Variants in SLC44A1 observed in about 807,000 individuals in gnomAD.
SLC44A1 encodes the protein solute carrier family 44 member 1, also known as choline transporter-like protein 1.
SLC44A1 carries 26 observed loss-of-function variants against 79.3 expected under a neutral mutation model. The ratio of observed to expected loss-of-function variants is 0.33; its 90% CI spans 0.24 to 0.46. The LOEUF (loss-of-function observed/expected upper bound fraction) is 0.46. Ranked by LOEUF, SLC44A1 falls within the 20% of genes least tolerant of loss-of-function variation. The probability of loss-of-function intolerance (pLI) is 1.00; values close to 1 mark genes in which losing one functional copy is unlikely to be tolerated. For synonymous variants in SLC44A1, 263 were observed against 286.2 expected (o/e 0.92, Z 0.82); for missense variants, 688 against 798.1 (o/e 0.86, Z 1.66).
chr9:105,272,491 A>G (rs1351645701), intron 1 of SLC44A1, among the ~76,000 whole-genome samples: 2 of 152,076 alleles, frequency 1.3e-5, no homozygotes, highest in Non-Finnish European at 2.9e-5. Flanking sequence ...GTGTCCCTCA[A>G]TGCAGAAAAT....
rs983932722 is a variant in SLC44A1 at position 105,395,243 on chromosome 9, G to C, written c.*6187G>C. 7 of 935,834 alleles carry C rather than the reference G, an allele frequency of 7.5e-6. No individual in the cohort carries two copies. Among genetic ancestry groups the C allele is most frequent in the East Asian group, 2.3e-4 (2 of 8,572 alleles). The allele number at this position is 935,834 out of a possible 1,614,324, so 58.0% of individuals were successfully genotyped here. On this transcript the variant is annotated 3_prime_UTR_variant, in exon 16 of 16. Coordinates refer to ENST00000374720, the MANE Select transcript of SLC44A1 (RefSeq NM_080546.5). Reference sequence around the variant, plus strand: ...TTTGTTTTTGGTGTTTTTTTGAGACGGAGTCTCGCTCTATCGCCAGCTTAG... The same window carrying C: ...TTTGTTTTTGGTGTTTTTTTGAGACCGAGTCTCGCTCTATCGCCAGCTTAG...
intron 15 of SLC44A1, among the ~76,000 whole-genome samples, chr9:105,415,941 G>A (rs561178976): frequency 5.4e-5 from 7 of 129,514 alleles, no homozygotes; most frequent in East Asian, 2.2e-4. Flanking sequence ...TTGCTCTGTC[G>A]CCCAGGTTGA....
chr9:105,351,644 A>AAGAAAGAAAG (rs1206878103), intron 5 of SLC44A1, among the ~76,000 whole-genome samples: 2 of 141,492 alleles, frequency 1.4e-5, no homozygotes, highest in East Asian at 3.9e-4. Flanking sequence ...GAAAGAAAGA[A>AAGAAAGAAAG]AGAAAGAAAG....
chr9:105,244,773 C>A lies in SLC44A1; in HGVS notation c.-96C>A. ...CGCCGCCTAGCCGTGCGGTGCCAGGCCGCGCCCTCCCCGGGCGCCCGCCGG... is the reference window on the plus strand; with the variant it reads ...CGCCGCCTAGCCGTGCGGTGCCAGGACGCGCCCTCCCCGGGCGCCCGCCGG... On this transcript the variant is annotated 5_prime_UTR_variant, in exon 1 of 16. Coordinates refer to ENST00000374720, the MANE Select transcript of SLC44A1 (RefSeq NM_080546.5). The A allele has an allele frequency of 1.5e-6, 1 of 679,766 alleles. No homozygotes were observed. The highest frequency in any genetic ancestry group is 5.0e-5 in the East Asian group (1 of 20,150). The allele number at this position is 679,766 out of a possible 1,614,324, so 42.1% of individuals were successfully genotyped here. A position where few individuals can be genotyped will look rare whatever the true frequency, so the allele number is the denominator to read the frequency against.
chr9:105,262,777 G>A (rs1829871622), intron 1 of SLC44A1, among the ~76,000 whole-genome samples: 1 of 152,172 alleles, frequency 6.6e-6, no homozygotes, highest in Admixed American at 6.6e-5. Flanking sequence ...TATTCAATTT[G>A]TTTCCTACCA....
intron 1 of SLC44A1, among the ~76,000 whole-genome samples, chr9:105,264,117 T>G (rs1829905225): frequency 6.6e-6 from 1 of 152,174 alleles, no homozygotes; most frequent in Non-Finnish European, 1.5e-5. Context: ...CCCTTATCCT[T>G]CTGCTGCAGA....
intron 12 of SLC44A1, among the ~76,000 whole-genome samples, chr9:105,373,816 T>C (rs1484953092): frequency 6.6e-6 from 1 of 152,210 alleles, no homozygotes; most frequent in African/African-American, 2.4e-5. Context: ...AGAGAACCTA[T>C]GGAAGAGAAA....
chr9:105,415,626 C>A (rs1183249297), intron 15 of SLC44A1, among the ~76,000 whole-genome samples: 1 of 152,144 alleles, frequency 6.6e-6, no homozygotes. Flanking sequence ...CCTGAAACTA[C>A]ACAGGTGTTT....
At chr9:105,326,652 G>C (rs143406817) in intron 3 of SLC44A1, among the ~76,000 whole-genome samples, 2 of 152,278 alleles carry the variant, frequency 1.3e-5, no homozygotes, top group East Asian at 3.9e-4. Context: ...TATAAAATCT[G>C]TCTTCAGAAA....
intron 15 of SLC44A1, among the ~76,000 whole-genome samples, chr9:105,421,138 A>G (rs1244286671): frequency 1.3e-5 from 2 of 152,318 alleles, no homozygotes; most frequent in East Asian, 3.9e-4. Flanking sequence ...TCCTTATAAA[A>G]CAATACCTGG....
At chr9:105,416,918 T>TA in intron 15 of SLC44A1, among the ~76,000 whole-genome samples, 2 of 152,362 alleles carry the variant, frequency 1.3e-5, no homozygotes, top group East Asian at 1.9e-4. Flanking sequence ...TTATATCTAT[T>TA]AATTGAGAAT....
intron 1 of SLC44A1, among the ~76,000 whole-genome samples, chr9:105,254,494 A>C (rs1361063335): frequency 6.6e-6 from 1 of 152,210 alleles, no homozygotes; most frequent in Non-Finnish European, 1.5e-5. Context: ...GCAGGGATGC[A>C]GGATTGGGCG....
In SLC44A1 at chr9:105,312,956, G is replaced by A. The variant is rs530764362; in HGVS notation, c.269+3090G>A. On this transcript the variant is annotated intron_variant, in intron 3 of 15. Coordinates refer to ENST00000374720, the MANE Select transcript of SLC44A1 (RefSeq NM_080546.5). Reference sequence around the variant, plus strand: ...CTTTCCTTTGGTGGTGTTGTCTATAGCATCAAAGAAGAGCCCACTCAGCCC... The same window carrying A: ...CTTTCCTTTGGTGGTGTTGTCTATAACATCAAAGAAGAGCCCACTCAGCCC... Among the ~76,000 whole-genome samples the A allele has an allele frequency of 3.3e-5, 5 of 152,212 alleles. No individual in the cohort carries two copies. The East Asian group carries it at 7.7e-4, about 24-fold the overall frequency.
rs749670328 is a variant in SLC44A1 at position 105,305,536 on chromosome 9, G to A, written c.127-4188G>A. On this transcript the variant is annotated intron_variant, in intron 2 of 15. Transcript: ENST00000374720. Reference sequence around the variant, plus strand: ...TTTACAAATCAGTTATTATGAGCTCGAGCCCAAGCACTGATGAGATACGGG... The same window carrying A: ...TTTACAAATCAGTTATTATGAGCTCAAGCCCAAGCACTGATGAGATACGGG... Among the ~76,000 whole-genome samples, 7 of 152,188 alleles carry A rather than the reference G, an allele frequency of 4.6e-5. No homozygotes were observed. In the East Asian group the frequency reaches 5.8e-4, roughly 13 times the overall value.
In SLC44A1 at chr9:105,364,605, C is replaced by T; in HGVS notation, c.1138C>T (p.Pro380Ser). 1 of 1,613,952 alleles carries T rather than the reference C, an allele frequency of 6.2e-7. No homozygotes were observed. Among genetic ancestry groups the T allele is most frequent in the East Asian group, 2.2e-5 (1 of 44,886 alleles). The change falls in exon 10 of 16, where the codon CCT becomes TCT. Residue 380 changes from proline to serine, a missense_variant. Physicochemically the swap from Pro to Ser is moderately conservative, Grantham distance 74. Transcript: ENST00000374720. ...QGFVEFKISG[P>S]LQYMWWYHVV... is the part of the protein sequence containing the mutation. ...CTTTGTGGAGTTCAAAATTTCTGGG[C>T]CTCTGCAGTACATGTGGTGGTACCA...
At chr9:105,272,992 AT>A (rs1007491132) in intron 1 of SLC44A1, among the ~76,000 whole-genome samples, 9 of 148,556 alleles carry the variant, frequency 6.1e-5, no homozygotes, top group African/African-American at 9.9e-5. Context: ...TGTATATATA[AT>A]TTTTTTTTTC....
Position 105,389,097 on chromosome 9 carries a change from C to A in SLC44A1, c.*41C>A, listed in dbSNP as rs764650617. On this transcript the variant is annotated 3_prime_UTR_variant, in exon 16 of 16. Transcript: ENST00000374720. ...ATGGAAACCCATTGACATTCCAAAA[C>A]AATATATACACATAACTATGTATTT... The A allele has an allele frequency of 1.2e-6, 2 of 1,610,610 alleles. No homozygotes were observed. The highest frequency in any genetic ancestry group is 2.2e-5 in the East Asian group (1 of 44,822).
intron 13 of SLC44A1, among the ~76,000 whole-genome samples, chr9:105,377,981 C>T (rs1370001903): frequency 6.6e-6 from 1 of 152,138 alleles, no homozygotes; most frequent in Non-Finnish European, 1.5e-5. Flanking sequence ...GGCACGGTGG[C>T]TCACGCCCAT....
At chr9:105,282,173 G>A (rs1187588338) in intron 1 of SLC44A1, among the ~76,000 whole-genome samples, 1 of 151,898 alleles carries the variant, frequency 6.6e-6, no homozygotes, top group Non-Finnish European at 1.5e-5. Context: ...GAGGTTTATA[G>A]ATACATGTGT....
Sources: gnomAD v4.1 joint callset for allele counts (sites outside exome capture counted in the v4.1 genomes callset) on GRCh38, gnomAD v4.1.1 for gene constraint, MANE v1.5 for transcripts, NCBI Gene and HGNC (gene_info 2026-07-23, HGNC 2026-07-21) for gene names.